The following AMY2B variants were observed in gnomAD, a reference collection of about 807,000 sequenced individuals.
AMY2B encodes alpha-amylase 2B.
AMY2B carries 63 observed loss-of-function variants against 59.3 expected under a neutral mutation model. That is an observed-to-expected ratio of 1.06 (90% confidence interval 0.87 to 1.31). The LOEUF (loss-of-function observed/expected upper bound fraction) is 1.31. AMY2B is among the 50% of genes most tolerant of loss of function. The pLI is 0.00. For synonymous variants in AMY2B, 180 were observed against 198.1 expected (o/e 0.91, Z 0.77); for missense variants, 635 against 626.7 (o/e 1.01, Z -0.14).
upstream of AMY2B, chr1:103,570,707 C>A (rs1023227911): frequency 5.4e-6 from 3 of 550,882 alleles, no homozygotes; most frequent in Non-Finnish European, 7.3e-6. Flanking sequence ...GCAATTGCTT[C>A]ATGGGTTAAT....
intron 7 of AMY2B, 97 bp from the exon 8 acceptor site, chr1:103,577,393 G>C (rs1352776555): frequency 6.3e-7 from 1 of 1,593,514 alleles, no homozygotes; most frequent in Non-Finnish European, 8.6e-7. Flanking sequence ...ATTGAATGCA[G>C]AGACACAAGT....
At position 103,572,211 on chromosome 1, in the gene AMY2B, T is replaced by A. The variant is rs1342183147; in HGVS notation, c.270T>A (p.Asn90Lys). 2 of 1,611,596 alleles carry A rather than the reference T, an allele frequency of 1.2e-6. No homozygotes were observed. The highest frequency in any genetic ancestry group is 2.2e-5 in the East Asian group (1 of 44,796). Residue 90 changes from asparagine to lysine, a missense_variant, in exon 2 of 10, where the codon AAT becomes AAA. Physicochemically the swap from Asn to Lys is moderately conservative, Grantham distance 94. Coordinates refer to ENST00000684275, the MANE Select transcript of AMY2B (RefSeq NM_001387437.1). ...ATAAATTATGCACAAGATCTGGAAA[T>A]GAAGATGAATTTAGAAACATGGTGA... ...VSYKLCTRSG[N>K]EDEFRNMVTR...
chr1:103,555,103 T>C (rs1011326385), exon 1 of AMY2B: 3 of 152,068 alleles, frequency 2.0e-5, no homozygotes, highest in Non-Finnish European at 4.4e-5. Flanking sequence ...ACCTGGACTA[T>C]GGAACTGTGC....
At chr1:103,569,051 A>G (rs952345506), upstream of AMY2B, 22 of 152,008 alleles carry the variant, frequency 1.4e-4, no homozygotes, top group Admixed American at 1.4e-3. Context: ...AAGGGGGAAA[A>G]GCCCCTTATG....
At chr1:103,562,975 C>A (rs774045300) in intron 1 of AMY2B, among the ~76,000 whole-genome samples, 4 of 151,842 alleles carry the variant, frequency 2.6e-5, no homozygotes, top group Admixed American at 2.0e-4. Context: ...ACACTAGAGC[C>A]GTTTCCCTAT....
chr1:103,559,054 T>C (rs1053908449), intron 1 of AMY2B, among the ~76,000 whole-genome samples: 1 of 152,180 alleles, frequency 6.6e-6, no homozygotes, highest in Non-Finnish European at 1.5e-5. Context: ...CTCGAGCAGT[T>C]GTTGCTTTAA....
chr1:103,567,575 A>T (rs1651950257), upstream of AMY2B, among the ~76,000 whole-genome samples: 1 of 151,926 alleles, frequency 6.6e-6, no homozygotes, highest in South Asian at 2.1e-4. Context: ...CAAGCCACTC[A>T]CCTCTTTCCT....
intron 1 of AMY2B, 41 bp downstream of exon 1, chr1:103,571,811 C>T: frequency 6.2e-7 from 1 of 1,611,894 alleles, no homozygotes; most frequent in Non-Finnish European, 8.5e-7. Context: ...ATTCACTATG[C>T]TTGTAGTAAA....
At chr1:103,557,078 A>C (rs558829531) in intron 1 of AMY2B, among the ~76,000 whole-genome samples, 1 of 152,114 alleles carries the variant, frequency 6.6e-6, no homozygotes, top group East Asian at 1.9e-4. Flanking sequence ...CCCACCCTAT[A>C]TTTTCTGAAA....
chr1:103,566,616 A>G (rs921018380), upstream of AMY2B, among the ~76,000 whole-genome samples: 1 of 152,160 alleles, frequency 6.6e-6, no homozygotes, highest in African/African-American at 2.4e-5. Flanking sequence ...AATTGTTTCT[A>G]GTGGCTACCA....
chr1:103,571,207 G>A (rs963776067), upstream of AMY2B: 25 of 758,566 alleles, frequency 3.3e-5, no homozygotes, highest in South Asian at 1.4e-4. Context: ...AGTTGGAAGC[G>A]GTTTGCATTT....
chr1:103,562,249 T>G (rs1237056406), intron 1 of AMY2B, among the ~76,000 whole-genome samples: 1 of 152,180 alleles, frequency 6.6e-6, no homozygotes, highest in African/African-American at 2.4e-5. Flanking sequence ...CAGTACAAAA[T>G]GTACTATTTA....
upstream of AMY2B, chr1:103,569,396 T>TTGTGTG (rs58457409): frequency 0.034 from 5,152 of 151,010 alleles, 122 homozygotes; most frequent in Admixed American, 0.049. Flanking sequence ...TTATGTGGGT[T>TTGTGTG]TGTGTGTGTG....
intron 2 of AMY2B, 37 bp downstream of exon 2, chr1:103,572,293 A>G (rs1244662395): frequency 6.2e-7 from 1 of 1,600,892 alleles, no homozygotes; most frequent in Non-Finnish European, 8.5e-7. Flanking sequence ...AATAACAGAT[A>G]GGAAAATGAT....
In AMY2B at chr1:103,565,970, G is replaced by T. The variant is rs139859616; in HGVS notation, c.-47+376G>T. Reference sequence around the variant, plus strand: ...TAAAACAACCAAAAAACCTTCTGAGGTAAGTACTTTTTTCTTCTCCCTGAT... The same window carrying T: ...TAAAACAACCAAAAAACCTTCTGAGTTAAGTACTTTTTTCTTCTCCCTGAT... On this transcript the variant is annotated intron_variant, in intron 2 of 11. Coordinates refer to the AMY2B transcript ENST00000361355. Among the ~76,000 whole-genome samples, 50 of 152,162 alleles carry T rather than the reference G, an allele frequency of 3.3e-4. 1 individual carries two copies. The East Asian group carries it at 8.5e-3, about 26-fold the overall frequency.
In AMY2B at chr1:103,574,275, G is replaced by C. The variant is rs753090470; in HGVS notation, c.760G>C (p.Gly254Arg). Residue 254 changes from glycine to arginine, a missense_variant, in exon 5 of 10, where the codon GGT (glycine) becomes CGT (arginine). Physicochemically the swap from Gly to Arg is moderately radical, Grantham distance 125. Coordinates refer to ENST00000684275, the MANE Select transcript of AMY2B (RefSeq NM_001387437.1). Reference sequence around the variant, plus strand: ...TTTCTACTAGGTAATTGATCTGGGTGGTGAGCCAATTAAAAGCAGTGACTA... The same window carrying C: ...TTTCTACTAGGTAATTGATCTGGGTCGTGAGCCAATTAAAAGCAGTGACTA... ...FIYQEVIDLG[G>R]EPIKSSDYFG... 9.9e-6 allele frequency: 16 copies of C among 1,611,474 alleles called. No homozygotes were observed. The African/African-American group carries it at 2.1e-4, about 22-fold the overall frequency.
intron 1 of AMY2B, among the ~76,000 whole-genome samples, chr1:103,555,839 G>A (rs765815344): frequency 1.3e-5 from 2 of 152,140 alleles, no homozygotes; most frequent in Admixed American, 6.5e-5. Flanking sequence ...TAAGATTGAT[G>A]ATATAGCAGG....
At chr1:103,576,945 G>A (rs753571712) in intron 7 of AMY2B, among the ~76,000 whole-genome samples, 17 of 152,164 alleles carry the variant, frequency 1.1e-4, no homozygotes, top group Admixed American at 5.9e-4. Context: ...ATGTTAAGAA[G>A]CCCTTGCAGG....
At chr1:103,577,101 G>A (rs184458588) in intron 7 of AMY2B, among the ~76,000 whole-genome samples, 280 of 152,192 alleles carry the variant, frequency 1.8e-3, no homozygotes, top group Non-Finnish European at 3.3e-3. Context: ...AGCTGGTTGC[G>A]GTGGTGCACA....
Sources: gnomAD v4.1 joint callset for allele counts (sites outside exome capture counted in the v4.1 genomes callset) on GRCh38, gnomAD v4.1.1 for gene constraint, MANE v1.5 for transcripts, NCBI Gene and HGNC (gene_info 2026-07-23, HGNC 2026-07-21) for gene names.